Variants in LINGO1 observed in about 807,000 individuals in gnomAD.
LINGO1 encodes leucine rich repeat and Ig domain containing 1, also known as leucine-rich repeat and immunoglobulin-like domain-containing nogo receptor-interacting protein 1.
LINGO1 carries 11 observed loss-of-function variants against 37.3 expected under a neutral mutation model. The ratio of observed to expected loss-of-function variants is 0.29; its 90% CI spans 0.19 to 0.49. The LOEUF (loss-of-function observed/expected upper bound fraction) is 0.49, where lower values mean the gene tolerates loss of function less well. Ranked by LOEUF, LINGO1 falls within the 20% of genes least tolerant of loss-of-function variation. The pLI, the probability that LINGO1 is intolerant of heterozygous loss-of-function variation, is 0.99. For missense variants in LINGO1, 585 were observed against 878.2 expected, an observed-to-expected ratio of 0.67 and a Z score of 4.22; for synonymous variants, 387 against 403.0, an observed-to-expected ratio of 0.96 and a Z score of 0.48.
intron 2 of LINGO1, among the ~76,000 whole-genome samples, chr15:77,714,389 C>T (rs909424074): frequency 6.6e-6 from 1 of 152,174 alleles, no homozygotes; most frequent in Non-Finnish European, 1.5e-5. Flanking sequence ...CCTTGCTTAA[C>T]CCAAGCTCAT....
chr15:77,765,511 C>A (rs1449485939), intron 1 of LINGO1, among the ~76,000 whole-genome samples: 1 of 151,996 alleles, frequency 6.6e-6, no homozygotes, highest in African/African-American at 2.4e-5. Context: ...GCACCAGGCA[C>A]CCCTAGACAC....
intron 3 of LINGO1, among the ~76,000 whole-genome samples, chr15:77,649,814 C>A (rs955314939): frequency 6.6e-6 from 1 of 152,142 alleles, no homozygotes; most frequent in Non-Finnish European, 1.5e-5. Flanking sequence ...CATGGCTGGG[C>A]AGGTGATAGC....
chr15:77,807,540 G>A (rs1399021498), intron 1 of LINGO1, among the ~76,000 whole-genome samples: 6 of 152,156 alleles, frequency 3.9e-5, no homozygotes, highest in African/African-American at 1.2e-4. Flanking sequence ...AAACTGAGGC[G>A]CAAAGAGGCA....
At chr15:77,649,945 T>G (rs1404275164) in intron 3 of LINGO1, among the ~76,000 whole-genome samples, 3 of 152,306 alleles carry the variant, frequency 2.0e-5, no homozygotes, top group Admixed American at 2.0e-4. Context: ...CCAGCAAGAC[T>G]TAGTTCCAGG....
chr15:77,642,427 T>C (rs187097536), intron 3 of LINGO1, among the ~76,000 whole-genome samples: 3 of 152,260 alleles, frequency 2.0e-5, no homozygotes, highest in East Asian at 3.9e-4. Flanking sequence ...GCTGGGAAGG[T>C]TGGCATTTTG....
At chr15:77,811,299 G>A (rs1326519605) in intron 1 of LINGO1, among the ~76,000 whole-genome samples, 13 of 152,194 alleles carry the variant, frequency 8.5e-5, no homozygotes, top group Admixed American at 8.5e-4. Flanking sequence ...TGCAGTTCCT[G>A]ATTAATCCCC....
upstream of LINGO1, among the ~76,000 whole-genome samples, chr15:77,636,321 G>C (rs1006895698): frequency 6.6e-6 from 1 of 152,202 alleles, no homozygotes; most frequent in African/African-American, 2.4e-5. Context: ...CCTATCCACT[G>C]GCATCCCAGC....
rs12438314 is a variant in LINGO1 at position 77,613,344 on chromosome 15, G to A, written c.*700C>T. 0.45 allele frequency: 68,021 copies of A among 152,478 alleles called. 15,818 individuals are homozygous for A. The highest frequency in any genetic ancestry group is 0.59 in the East Asian group (3,023 of 5,144). The allele number at this position is 152,478 out of a possible 1,614,324, so 9.4% of individuals were successfully genotyped here. A position where few individuals can be genotyped will look rare whatever the true frequency, so the allele number is the denominator to read the frequency against. On this transcript the variant is annotated 3_prime_UTR_variant, in exon 2 of 2. Coordinates refer to ENST00000355300, the MANE Select transcript of LINGO1 (RefSeq NM_032808.7). ...AAGCCAGGCTCCCACCCCTTGCAGT[G>A]GTGCCGCCTGGCAGCCCAGCAGACA... is the stretch of plus-strand genomic sequence containing the variant.
chr15:77,654,252 T>G (rs2074822113), intron 3 of LINGO1, among the ~76,000 whole-genome samples: 1 of 152,170 alleles, frequency 6.6e-6, no homozygotes, highest in South Asian at 2.1e-4. Context: ...GTTTGAAATC[T>G]CTGAGATTTT....
intron 3 of LINGO1, among the ~76,000 whole-genome samples, chr15:77,671,384 C>A (rs1267296762): frequency 1.3e-5 from 2 of 151,994 alleles, no homozygotes; most frequent in African/African-American, 4.8e-5. Flanking sequence ...AGAGGTGGGG[C>A]GAGATGGAGA....
At chr15:77,668,785 AG>A (rs1013676114) in intron 3 of LINGO1, among the ~76,000 whole-genome samples, 1 of 142,282 alleles carries the variant, frequency 7.0e-6, no homozygotes, top group Non-Finnish European at 1.5e-5. Flanking sequence ...GGGAGCTCAC[AG>A]GGGAATACAC....
At chr15:77,775,317 C>T (rs575825722) in intron 1 of LINGO1, among the ~76,000 whole-genome samples, 1 of 152,160 alleles carries the variant, frequency 6.6e-6, no homozygotes, top group African/African-American at 2.4e-5. Context: ...TGGGTGCCCA[C>T]TGCAGGCCCA....
Position 77,776,464 on chromosome 15 carries a change from GGCAGGAAGGCAGGAAGGCAGGAAA to G in LINGO1, c.-257+10381_-257+10404del, listed in dbSNP as rs1317544583. On this transcript the variant is annotated intron_variant, in intron 1 of 3. Coordinates refer to the LINGO1 transcript ENST00000561686. ...CGGGGCTTTAGCAGGAAGGCAGGAAGGCAGGAAGGCAGGAAGGCAGGAAAGCAGGAAGGCAGGAAGGCAGGAAGG... is the reference window on the plus strand; with the variant it reads ...CGGGGCTTTAGCAGGAAGGCAGGAAGGCAGGAAGGCAGGAAGGCAGGAAGG... 1.2e-3 allele frequency among the ~76,000 whole-genome samples: 139 copies of G among 111,522 alleles called. 2 individuals carry two copies. The Middle Eastern group carries it at 0.019, about 15-fold the overall frequency. 73.2% of individuals were successfully genotyped at this position (111,522 alleles called of 152,430 possible). A position where few individuals can be genotyped will look rare whatever the true frequency, so the allele number is the denominator to read the frequency against.
At chr15:77,776,989 A>G (rs2076662623) in intron 1 of LINGO1, among the ~76,000 whole-genome samples, 1 of 152,170 alleles carries the variant, frequency 6.6e-6, no homozygotes, top group South Asian at 2.1e-4. Flanking sequence ...CTTTGCTTAG[A>G]GCCACTACCA....
chr15:77,636,421 T>C (rs1471225326), upstream of LINGO1, among the ~76,000 whole-genome samples: 2 of 152,210 alleles, frequency 1.3e-5, no homozygotes, highest in African/African-American at 4.8e-5. Flanking sequence ...GAGTCATTGC[T>C]GAGACCTCTA....
intron 1 of LINGO1, among the ~76,000 whole-genome samples, chr15:77,753,121 C>T (rs1224154882): frequency 1.3e-5 from 2 of 152,352 alleles, no homozygotes; most frequent in East Asian, 1.9e-4. Context: ...ATGGGTCCCG[C>T]GTGCTGGAGA....
chr15:77,774,656 G>A (rs1378829266), intron 1 of LINGO1, among the ~76,000 whole-genome samples: 3 of 152,170 alleles, frequency 2.0e-5, no homozygotes, highest in African/African-American at 7.2e-5. Flanking sequence ...GAGCCCATCA[G>A]CCCATCCAGT....
intron 1 of LINGO1, among the ~76,000 whole-genome samples, chr15:77,618,256 T>C (rs1044007972): frequency 2.0e-5 from 3 of 152,182 alleles, no homozygotes; most frequent in African/African-American, 7.2e-5. Context: ...GCCCCTCTTA[T>C]ACAGACACGA....
chr15:77,779,528 C>T (rs1232342437), intron 1 of LINGO1, among the ~76,000 whole-genome samples: 1 of 152,002 alleles, frequency 6.6e-6, no homozygotes, highest in South Asian at 2.1e-4. Flanking sequence ...GAGACAGTCA[C>T]AGATCATCAG....
Sources: gnomAD v4.1 joint callset for allele counts (sites outside exome capture counted in the v4.1 genomes callset) on GRCh38, gnomAD v4.1.1 for gene constraint, MANE v1.5 for transcripts, NCBI Gene and HGNC (gene_info 2026-07-23, HGNC 2026-07-21) for gene names.